ERC2: variants seen among roughly 807,000 people sequenced by gnomAD.
ERC2 encodes ELKS/RAB6-interacting/CAST family member 2.
In ERC2, 42 loss-of-function variants were observed where a neutral mutation model predicts 114.8. That is an observed-to-expected ratio of 0.37 (90% CI 0.29 to 0.47). The LOEUF is 0.47. Ranked by LOEUF, ERC2 falls within the 20% of genes least tolerant of loss-of-function variation. The pLI is 0.99. For synonymous variants in ERC2, 454 were observed against 425.5 expected (o/e 1.07, Z -0.82); for missense variants, 939 against 1,150.7 (o/e 0.82, Z 2.66).
chr3:56,402,385 A>T (rs1012821422), intron 2 of ERC2, among the ~76,000 whole-genome samples: 1 of 152,220 alleles, frequency 6.6e-6, no homozygotes, highest in African/African-American at 2.4e-5. Flanking sequence ...GAAAACTGAC[A>T]TGGCACAGAT....
intron 14 of ERC2, among the ~76,000 whole-genome samples, chr3:55,810,401 C>T: frequency 6.6e-6 from 1 of 152,002 alleles, no homozygotes; most frequent in Non-Finnish European, 1.5e-5. Flanking sequence ...AATGAATGCA[C>T]ACTCTACATA....
chr3:56,139,412 G>T (rs2080716091), intron 6 of ERC2, 97 bp downstream of exon 6: 3 of 1,214,304 alleles, frequency 2.5e-6, no homozygotes, highest in African/African-American at 3.0e-5. Context: ...GGCCCCAAGG[G>T]TTAGGATAAA....
intron 17 of ERC2, among the ~76,000 whole-genome samples, chr3:55,665,334 T>C (rs1336038586): frequency 6.6e-6 from 1 of 152,218 alleles, no homozygotes; most frequent in Non-Finnish European, 1.5e-5. Flanking sequence ...TCATAGAATC[T>C]TGTTATGGAT....
chr3:56,216,086 A>T (rs150261944), intron 3 of ERC2, among the ~76,000 whole-genome samples: 2,187 of 152,316 alleles, frequency 0.014, 59 homozygotes, highest in African/African-American at 0.05. Context: ...TAAAAGAACT[A>T]GAGAAGCAAG....
chr3:56,274,399 C>T (rs1436341858), intron 3 of ERC2, among the ~76,000 whole-genome samples: 2 of 152,174 alleles, frequency 1.3e-5, no homozygotes, highest in Admixed American at 6.5e-5. Flanking sequence ...CCACCTACCA[C>T]AGCATACCAA....
intron 14 of ERC2, among the ~76,000 whole-genome samples, chr3:55,746,946 T>A (rs1349690383): frequency 6.6e-6 from 1 of 152,216 alleles, no homozygotes; most frequent in Non-Finnish European, 1.5e-5. Flanking sequence ...AAAGATGCAA[T>A]TCTTCATGTA....
intron 7 of ERC2, among the ~76,000 whole-genome samples, chr3:56,066,141 G>A (rs1205507202): frequency 6.6e-6 from 1 of 152,192 alleles, no homozygotes; most frequent in Non-Finnish European, 1.5e-5. Context: ...CACAGTGGTT[G>A]AACTAATTTA....
chr3:55,604,342 T>C (rs1426426660), intron 17 of ERC2, among the ~76,000 whole-genome samples: 2 of 152,166 alleles, frequency 1.3e-5, no homozygotes, highest in African/African-American at 4.8e-5. Context: ...TATTAATATA[T>C]TACACATCTA....
intron 15 of ERC2, among the ~76,000 whole-genome samples, chr3:55,708,120 T>A (rs2063584121): frequency 6.6e-6 from 1 of 152,202 alleles, no homozygotes; most frequent in Admixed American, 6.5e-5. Flanking sequence ...GATTTTAAAA[T>A]TCCCTCTGAA....
chr3:55,950,386 C>G (rs368649150), intron 13 of ERC2, 39 bp downstream of exon 13: 8 of 1,609,386 alleles, frequency 5.0e-6, no homozygotes, highest in Non-Finnish European at 6.8e-6. Context: ...GAGTCCATCT[C>G]TAGTTATTTA....
At chr3:55,782,397 G>A (rs4955880) in intron 14 of ERC2, among the ~76,000 whole-genome samples, 22,889 of 152,030 alleles carry the variant, frequency 0.15, 1,945 homozygotes, top group East Asian at 0.23. Context: ...CATTTAATCT[G>A]ACCAGAAATC....
chr3:55,542,699 C>G (rs1333790411), intron 17 of ERC2, among the ~76,000 whole-genome samples: 1 of 152,172 alleles, frequency 6.6e-6, no homozygotes, highest in African/African-American at 2.4e-5. Flanking sequence ...CCCTTTCTCC[C>G]CTTCTCATTG....
intron 17 of ERC2, among the ~76,000 whole-genome samples, chr3:55,589,642 C>T (rs967860827): frequency 4.6e-5 from 7 of 152,032 alleles, no homozygotes; most frequent in African/African-American, 1.7e-4. Flanking sequence ...ACGTGAATTC[C>T]CAGCCTCCAG....
intron 2 of ERC2, among the ~76,000 whole-genome samples, chr3:56,342,991 A>T (rs1240401978): frequency 6.6e-6 from 1 of 152,118 alleles, no homozygotes; most frequent in Non-Finnish European, 1.5e-5. Flanking sequence ...ACCCCATTCA[A>T]GCCAGGGCTA....
intron 1 of ERC2, among the ~76,000 whole-genome samples, chr3:56,441,231 A>C (rs2062291339): frequency 6.6e-6 from 1 of 152,182 alleles, no homozygotes; most frequent in Non-Finnish European, 1.5e-5. Flanking sequence ...GGAGAACCAA[A>C]GCACCCAGCC....
chr3:55,842,044 G>A (rs1466751033), intron 14 of ERC2, among the ~76,000 whole-genome samples: 1 of 152,160 alleles, frequency 6.6e-6, no homozygotes, highest in Non-Finnish European at 1.5e-5. Flanking sequence ...ACCAACAACT[G>A]TTGCGTGAAT....
intron 3 of ERC2, among the ~76,000 whole-genome samples, chr3:56,268,752 T>C (rs1426974015): frequency 6.6e-6 from 1 of 152,180 alleles, no homozygotes; most frequent in Non-Finnish European, 1.5e-5. Context: ...AAGACCAAAA[T>C]AGAAGGGCAG....
At chr3:55,977,118 T>C (rs1168571686) in intron 12 of ERC2, among the ~76,000 whole-genome samples, 1 of 152,222 alleles carries the variant, frequency 6.6e-6, no homozygotes, top group African/African-American at 2.4e-5. Flanking sequence ...ATTTCCACTG[T>C]TCAGAAGCTC....
chr3:55,938,442 G>A (rs1396428298), intron 13 of ERC2, among the ~76,000 whole-genome samples: 3 of 152,126 alleles, frequency 2.0e-5, no homozygotes, highest in Non-Finnish European at 4.4e-5. Flanking sequence ...TTATTCTGGT[G>A]AACCAAGCAA....
Sources: allele counts gnomAD v4.1 joint callset (sites outside exome capture counted in the v4.1 genomes callset), GRCh38; gene constraint gnomAD v4.1.1; transcripts MANE v1.5; gene names NCBI Gene and HGNC (gene_info 2026-07-23, HGNC 2026-07-21).